The following ADORA2B variants were observed in gnomAD, a reference collection of about 807,000 sequenced individuals.
ADORA2B encodes the protein adenosine receptor A2b.
A neutral mutation model predicts 20.8 loss-of-function variants in ADORA2B; 18 were observed. That is an observed-to-expected ratio of 0.87 (90% confidence interval 0.60 to 1.29). The LOEUF (loss-of-function observed/expected upper bound fraction) is 1.29, where lower values mean the gene tolerates loss of function less well. Ranked by LOEUF, ADORA2B falls within the 50% of genes most tolerant of loss-of-function variation. The pLI is 0.00. For missense variants in ADORA2B, 441 were observed against 422.7 expected, an observed-to-expected ratio of 1.04 and a Z score of -0.38; for synonymous variants, 179 against 178.3, an observed-to-expected ratio of 1.00 and a Z score of -0.03.
chr17:15,945,049 C>T, upstream of ADORA2B: 1 of 355,162 alleles, frequency 2.8e-6, no homozygotes, highest in African/African-American at 2.1e-5. Context: ...GGCGGGCGCG[C>T]GGGCCAATGG....
the ADORA2B span, among the ~76,000 whole-genome samples, chr17:15,925,736 G>A: frequency 1.3e-5 from 2 of 152,136 alleles, no homozygotes; most frequent in Non-Finnish European, 2.9e-5. Flanking sequence ...TTGGGAGGCC[G>A]AGGCGGGTGG....
intron 1 of ADORA2B, among the ~76,000 whole-genome samples, chr17:15,962,168 T>G (rs557370696): frequency 7.2e-5 from 11 of 152,214 alleles, no homozygotes; most frequent in African/African-American, 2.6e-4. Context: ...CTGAGCATGT[T>G]GGTGGGCACC....
At chr17:15,939,143 C>T in the ADORA2B span, among the ~76,000 whole-genome samples, 154 of 152,040 alleles carry the variant, frequency 1.0e-3, 1 homozygote, top group Non-Finnish European at 1.0e-3. Flanking sequence ...CGAGTTCAAG[C>T]GATCCTCCTG....
At chr17:15,870,915 A>C in the ADORA2B span, among the ~76,000 whole-genome samples, 6 of 152,200 alleles carry the variant, frequency 3.9e-5, no homozygotes, top group Non-Finnish European at 7.3e-5. Flanking sequence ...CTTCCACTCT[A>C]TTGAGGCCTT....
chr17:15,928,423 G>A, the ADORA2B span, among the ~76,000 whole-genome samples: 34 of 152,108 alleles, frequency 2.2e-4, 1 homozygote, highest in Non-Finnish European at 1.5e-5. Flanking sequence ...GGGAGACGGG[G>A]AAGGAGCCAG....
the ADORA2B span, among the ~76,000 whole-genome samples, chr17:15,857,339 A>G: frequency 6.6e-5 from 10 of 152,346 alleles, no homozygotes; most frequent in Non-Finnish European, 1.3e-4. Flanking sequence ...ATCCCCTGCT[A>G]GGGCAGGGCA....
the ADORA2B span, among the ~76,000 whole-genome samples, chr17:15,931,724 G>A: frequency 3.3e-5 from 5 of 151,926 alleles, no homozygotes; most frequent in African/African-American, 4.8e-5. Flanking sequence ...TTAAAAATTG[G>A]ATTATTTGTC....
chr17:15,876,449 C>CTTTTTTTTTTTTTTTTTTTTTTTTT, the ADORA2B span, among the ~76,000 whole-genome samples: 2 of 119,300 alleles, frequency 1.7e-5, no homozygotes, highest in Non-Finnish European at 3.5e-5. Flanking sequence ...TTTCTTTTTT[C>CTTTTTTTTTTTTTTTTTTTTTTTTT]TTTTTTTTTT....
At chr17:15,891,396 C>G in the ADORA2B span, among the ~76,000 whole-genome samples, 5 of 152,244 alleles carry the variant, frequency 3.3e-5, no homozygotes, top group Admixed American at 2.6e-4. Context: ...TCACATGAAC[C>G]CACTTATGTG....
chr17:15,874,593 A>G, the ADORA2B span, among the ~76,000 whole-genome samples: 2 of 151,948 alleles, frequency 1.3e-5, no homozygotes, highest in African/African-American at 4.8e-5. Flanking sequence ...TTAAGAGGCT[A>G]AAGATGGAGA....
chr17:15,875,012 C>CT, the ADORA2B span, among the ~76,000 whole-genome samples: 3 of 151,914 alleles, frequency 2.0e-5, no homozygotes, highest in South Asian at 2.1e-4. Flanking sequence ...AAGTGAAGCA[C>CT]TTTTTATCAG....
the ADORA2B span, among the ~76,000 whole-genome samples, chr17:15,938,422 C>G: frequency 2.2e-3 from 342 of 152,302 alleles, 1 homozygote; most frequent in Non-Finnish European, 3.7e-3. Context: ...GCTGCCTCAG[C>G]CTCCTGAGTA....
chr17:15,866,712 G>A, the ADORA2B span, among the ~76,000 whole-genome samples: 4 of 145,542 alleles, frequency 2.7e-5, no homozygotes, highest in East Asian at 2.0e-4. Flanking sequence ...TGCCGCTGCC[G>A]CTGCCTCTGC....
At chr17:15,901,286 A>G in the ADORA2B span, among the ~76,000 whole-genome samples, 2 of 152,042 alleles carry the variant, frequency 1.3e-5, no homozygotes, top group Non-Finnish European at 2.9e-5. Context: ...ACCAACATGG[A>G]GAAGCCCTGT....
chr17:15,875,606 C>T, the ADORA2B span, among the ~76,000 whole-genome samples: 1 of 152,206 alleles, frequency 6.6e-6, no homozygotes, highest in African/African-American at 2.4e-5. Context: ...TTTTTTGAGA[C>T]GGAGTCTCAC....
In ADORA2B at chr17:15,945,470, CT is replaced by C; in HGVS notation, c.224del (p.Phe75SerfsTer64). 6.2e-7 allele frequency: 1 copy of C among 1,613,360 alleles called. No individual in the cohort carries two copies. Among genetic ancestry groups the C allele is most frequent in the South Asian group, 1.1e-5 (1 of 91,054 alleles). On this transcript the variant is annotated frameshift_variant, in exon 1 of 2. Transcript: ENST00000304222. LOFTEE classifies it high-confidence loss of function. The stretch of plus-strand genomic sequence containing the variant: ...CCATCAGCCTGGGCTTCTGCACTGA[CT>C]TCTACGGCTGCCTCTTCCTCGCCTG... ...ITISLGFCTD[F>X]YGCLFLACFV...
chr17:15,887,903 A>G, the ADORA2B span, among the ~76,000 whole-genome samples: 1 of 103,784 alleles, frequency 9.6e-6, no homozygotes, highest in South Asian at 3.1e-4. Flanking sequence ...ATGAGCCGAA[A>G]TCGTGCCACT....
chr17:15,875,800 C>T, the ADORA2B span, among the ~76,000 whole-genome samples: 5 of 152,262 alleles, frequency 3.3e-5, no homozygotes, highest in Admixed American at 2.6e-4. Flanking sequence ...AGGATGGTCT[C>T]GAACTTCTGA....
At chr17:15,925,626 A>T in the ADORA2B span, among the ~76,000 whole-genome samples, 1 of 152,206 alleles carries the variant, frequency 6.6e-6, no homozygotes, top group Admixed American at 6.5e-5. Flanking sequence ...CTGTGCAGTT[A>T]GTACTAGGAT....
Sources: gnomAD v4.1 joint callset for allele counts (sites outside exome capture counted in the v4.1 genomes callset) on GRCh38, gnomAD v4.1.1 for gene constraint, MANE v1.5 for transcripts, NCBI Gene and HGNC (gene_info 2026-07-23, HGNC 2026-07-21) for gene names.